Variants in BCAS3 observed in about 807,000 individuals in gnomAD.
BCAS3 encodes the protein BCAS4/BCAS3 fusion.
Under a neutral mutation model 116.1 loss-of-function variants are expected in BCAS3, and 53 were observed. The ratio of observed to expected loss-of-function variants is 0.46; its 90% confidence interval spans 0.37 to 0.57. BCAS3 has a LOEUF of 0.57. Among genes scored for constraint, BCAS3 ranks in the 20% least tolerant of loss-of-function variants. BCAS3 has a pLI of 0.00. For synonymous variants in BCAS3, 391 were observed against 408.2 expected, an observed-to-expected ratio of 0.96 and a Z score of 0.51; for missense variants, 917 against 1,165.4, an observed-to-expected ratio of 0.79 and a Z score of 3.10.
intron 14 of BCAS3, 26 bp downstream of exon 14, chr17:60,947,378 C>T (rs747302083): frequency 6.9e-6 from 11 of 1,601,866 alleles, no homozygotes; most frequent in African/African-American, 1.3e-5. Context: ...TTTCAGAAGG[C>T]GATTTCTTGG....
chr17:60,817,855 AT>A (rs199501753), intron 7 of BCAS3, among the ~76,000 whole-genome samples: 23,460 of 143,132 alleles, frequency 0.16, 2,250 homozygotes, highest in African/African-American at 0.32. Context: ...AAGCAAAATA[AT>A]TTTTTTTTTT....
Position 61,368,224 on chromosome 17 carries a change from A to G in BCAS3, c.2426-103A>G, listed in dbSNP as rs1320881012. 8 of 1,294,248 alleles carry G rather than the reference A, an allele frequency of 6.2e-6. No individual in the cohort carries two copies. Among genetic ancestry groups the G allele is most frequent in the African/African-American group, 1.5e-5 (1 of 67,656 alleles). 80.2% of individuals were successfully genotyped at this position (1,294,248 alleles called of 1,614,324 possible). On this transcript the variant is annotated intron_variant, in intron 22 of 23. Transcript: ENST00000407086. The surrounding 1 kb of genome is among the most constrained non-coding windows in gnomAD (Gnocchi z 6.0). ...CGTGCTTCCATCCTACAGGAAGGCT[A>G]CAATGGACCCTGGGTATGGAGAGGA...
rs961464988 is a variant in BCAS3 at position 61,279,880 on chromosome 17, TG to T, written c.2426-88445del. On this transcript the variant is annotated intron_variant, in intron 22 of 23. Coordinates refer to ENST00000407086, the MANE Select transcript of BCAS3 (RefSeq NM_017679.5). The surrounding 1 kb of genome is among the most constrained non-coding windows in gnomAD (Gnocchi z 4.4). ...AGTACCAGCTTTGCTAAATCTCCTTTGGCTCACTTTTTCTCCCTCTCCATGT... is the reference window on the plus strand; with the variant it reads ...AGTACCAGCTTTGCTAAATCTCCTTTGCTCACTTTTTCTCCCTCTCCATGT... Among the ~76,000 whole-genome samples the T allele has an allele frequency of 6.6e-6, 1 of 152,156 alleles. No individual in the cohort carries two copies. Among genetic ancestry groups the T allele is most frequent in the African/African-American group, 2.4e-5 (1 of 41,430 alleles).
intron 8 of BCAS3, among the ~76,000 whole-genome samples, chr17:60,872,238 G>A (rs1046392260): frequency 1.3e-5 from 2 of 151,818 alleles, no homozygotes; most frequent in Non-Finnish European, 2.9e-5. Flanking sequence ...GAGAAGGAAT[G>A]AGAATATTAT....
At chr17:61,117,102 T>C (rs2075516133) in intron 22 of BCAS3, among the ~76,000 whole-genome samples, 6 of 152,136 alleles carry the variant, frequency 3.9e-5, no homozygotes, top group Admixed American at 3.3e-4. Context: ...CTTTCTCCAC[T>C]CCTTTCGGGC....
intron 22 of BCAS3, among the ~76,000 whole-genome samples, chr17:61,317,343 G>A (rs533048118): frequency 6.6e-6 from 1 of 152,288 alleles, no homozygotes; most frequent in South Asian, 2.1e-4. Flanking sequence ...ACAATGTAAA[G>A]GCATGCTTCT....
chr17:61,240,389 A>G (rs4968541), intron 22 of BCAS3, among the ~76,000 whole-genome samples: 152,131 of 152,308 alleles, frequency 1, 75,978 homozygotes, highest in Middle Eastern at 1. Flanking sequence ...AGTGGGTCAC[A>G]CCTGTAACCC....
chr17:61,266,087 C>G (rs1047975994), intron 22 of BCAS3, among the ~76,000 whole-genome samples: 1 of 152,186 alleles, frequency 6.6e-6, no homozygotes, highest in Non-Finnish European at 1.5e-5. Context: ...CCTGTCCTCA[C>G]GTTCATTAAA....
intron 22 of BCAS3, among the ~76,000 whole-genome samples, chr17:61,238,735 G>C (rs547000952): frequency 6.6e-6 from 1 of 152,102 alleles, no homozygotes; most frequent in African/African-American, 2.4e-5. Flanking sequence ...CTTATCCTCT[G>C]CTGACCCTGC....
chr17:60,826,655 C>T (rs2050455630), intron 7 of BCAS3, among the ~76,000 whole-genome samples: 1 of 152,214 alleles, frequency 6.6e-6, no homozygotes, highest in South Asian at 2.1e-4. Flanking sequence ...AACCATTTTA[C>T]TACCATATAT....
rs530001806 is a variant in BCAS3, at chr17:61,140,098, G to A, written c.2425+55534G>A. Among the ~76,000 whole-genome samples the A allele has an allele frequency of 9.3e-4, 142 of 152,236 alleles. No homozygotes were observed. Among genetic ancestry groups the A allele is most frequent in the African/African-American group, 3.2e-3 (134 of 41,544 alleles). ...TAAAAATACAAAAAATTAGCTGGGC[G>A]TGGTGGTGCATTCCTGTAAACCCAG... On this transcript the variant is annotated intron_variant, in intron 22 of 23. Transcript: ENST00000407086. The surrounding 1 kb of genome is among the most constrained non-coding windows in gnomAD (Gnocchi z 4.2).
rs1202707314 is a variant in BCAS3 at position 61,095,611 on chromosome 17, C to A, written c.2425+11047C>A. Among the ~76,000 whole-genome samples the A allele has an allele frequency of 4.6e-5, 7 of 152,014 alleles. No homozygotes were observed. Among genetic ancestry groups the A allele is most frequent in the Admixed American group, 1.3e-4 (2 of 15,258 alleles). On this transcript the variant is annotated intron_variant, in intron 22 of 23. Transcript: ENST00000407086. This position sits in a 1 kb window ranked among gnomAD's most constrained non-coding sequence, Gnocchi z 4.7. The stretch of plus-strand genomic sequence containing the variant: ...CCTCCCGAGTAGCTGGGACTCCAGG[C>A]ATGCACCACCATGCCCGGCTAATTT...
chr17:61,233,626 T>C lies in BCAS3; in HGVS notation c.2426-134701T>C, dbSNP rs2082822955. ...ATTTTTGCCTTAACCCTGTCTCTGATTCACTGAGGGACCTTGGATAAGTCA... is the reference window on the plus strand; with the variant it reads ...ATTTTTGCCTTAACCCTGTCTCTGACTCACTGAGGGACCTTGGATAAGTCA... On this transcript the variant is annotated intron_variant, in intron 22 of 23. Transcript: ENST00000407086. The surrounding 1 kb of genome is among the most constrained non-coding windows in gnomAD (Gnocchi z 4.3). 6.6e-6 allele frequency among the ~76,000 whole-genome samples: 1 copy of C among 152,176 alleles called. No individual in the cohort carries two copies. Among genetic ancestry groups the C allele is most frequent in the African/African-American group, 2.4e-5 (1 of 41,444 alleles).
intron 13 of BCAS3, 115 bp from the exon 14 acceptor site, chr17:60,947,104 C>A (rs1350948974): frequency 2.9e-6 from 3 of 1,034,930 alleles, no homozygotes; most frequent in Non-Finnish European, 2.8e-6. Flanking sequence ...TTTCTTATAG[C>A]CTTGGTAATT....
chr17:60,976,933 G>A (rs1376520505), intron 14 of BCAS3, among the ~76,000 whole-genome samples: 3 of 152,192 alleles, frequency 2.0e-5, no homozygotes, highest in East Asian at 1.9e-4. Context: ...ATCATGGCCC[G>A]TTCTCAATGA....
At chr17:61,174,289 T>C (rs187640278) in intron 22 of BCAS3, among the ~76,000 whole-genome samples, 12 of 152,316 alleles carry the variant, frequency 7.9e-5, no homozygotes, top group African/African-American at 2.6e-4. Flanking sequence ...ACTAAAACTT[T>C]GTGCCGTTTG....
chr17:61,155,518 T>TA (rs973842563), intron 22 of BCAS3, among the ~76,000 whole-genome samples: 14 of 150,052 alleles, frequency 9.3e-5, no homozygotes, highest in Admixed American at 2.7e-4. Context: ...AAAAGTCTAA[T>TA]ATTTAGTTTG....
At chr17:60,983,049 T>G (rs1035371114) in intron 14 of BCAS3, among the ~76,000 whole-genome samples, 7 of 152,182 alleles carry the variant, frequency 4.6e-5, no homozygotes, top group African/African-American at 1.7e-4. Context: ...TATATAAATA[T>G]GTTTGTGTCC....
intron 22 of BCAS3, among the ~76,000 whole-genome samples, chr17:61,179,489 A>G (rs919836923): frequency 2.2e-4 from 34 of 152,148 alleles, no homozygotes; most frequent in Non-Finnish European, 7.4e-5. Flanking sequence ...TTTGAGGCCC[A>G]TTGATGAAAA....
Sources: allele counts gnomAD v4.1 joint callset (sites outside exome capture counted in the v4.1 genomes callset), GRCh38; gene constraint gnomAD v4.1.1; non-coding constraint Gnocchi (gnomAD v3.1); transcripts MANE v1.5; gene names NCBI Gene and HGNC (gene_info 2026-07-23, HGNC 2026-07-21).